Variants in IL23R observed in about 807,000 individuals in gnomAD.
IL23R encodes interleukin-23 receptor.
Under a neutral mutation model 56.9 loss-of-function variants are expected in IL23R, and 34 were observed. The ratio of observed to expected loss-of-function variants is 0.60; its 90% CI spans 0.45 to 0.80. The LOEUF is 0.80. Ranked by LOEUF, IL23R falls within the 30% of genes least tolerant of loss-of-function variation. The pLI, the probability that IL23R is intolerant of heterozygous loss-of-function variation, is 0.00. For missense variants in IL23R, 635 were observed against 730.0 expected (o/e 0.87, Z 1.50); for synonymous variants, 230 against 249.2 (o/e 0.92, Z 0.73).
At chr1:67,196,995 A>G (rs1218468718) in intron 4 of IL23R, among the ~76,000 whole-genome samples, 4 of 152,246 alleles carry the variant, frequency 2.6e-5, no homozygotes, top group Non-Finnish European at 1.5e-5. Context: ...CAGTGAGGGC[A>G]CAGGTATGCG....
chr1:67,239,637 T>C (rs1242409921), intron 8 of IL23R, among the ~76,000 whole-genome samples: 1 of 152,200 alleles, frequency 6.6e-6, no homozygotes, highest in Non-Finnish European at 1.5e-5. Flanking sequence ...TTTATTTTTA[T>C]CTTAACTTGC....
chr1:67,246,686 A>G (rs908814409), intron 9 of IL23R, among the ~76,000 whole-genome samples: 3 of 152,150 alleles, frequency 2.0e-5, no homozygotes, highest in Non-Finnish European at 2.9e-5. Flanking sequence ...ACAGTTTGTT[A>G]TGATTTCCAT....
chr1:67,172,752 G>A (rs1243555805), intron 3 of IL23R, among the ~76,000 whole-genome samples: 1 of 152,138 alleles, frequency 6.6e-6, no homozygotes, highest in Non-Finnish European at 1.5e-5. Context: ...TTCTAACATT[G>A]CTATTAAGTA....
intron 3 of IL23R, among the ~76,000 whole-genome samples, chr1:67,176,422 G>A (rs945594571): frequency 2.0e-5 from 3 of 151,818 alleles, no homozygotes; most frequent in East Asian, 3.9e-4. Flanking sequence ...GTTTCTCAAC[G>A]GACTATAGAG....
At chr1:67,216,095 C>T (rs1649814219) in intron 6 of IL23R, among the ~76,000 whole-genome samples, 1 of 152,092 alleles carries the variant, frequency 6.6e-6, no homozygotes, top group Admixed American at 6.5e-5. Context: ...TCTCCTAGGC[C>T]CCTCAAATTC....
intron 3 of IL23R, among the ~76,000 whole-genome samples, chr1:67,171,737 A>G (rs185460280): frequency 2.2e-4 from 34 of 152,228 alleles, no homozygotes; most frequent in African/African-American, 7.9e-4. Flanking sequence ...GAGTGACTTC[A>G]TTTTGGTTTG....
chr1:67,143,200 A>C (rs968060823), intron 1 of IL23R, among the ~76,000 whole-genome samples: 2 of 152,220 alleles, frequency 1.3e-5, no homozygotes, highest in Admixed American at 1.3e-4. Context: ...CTAAGAAAAA[A>C]ATCTTTAGAC....
intron 8 of IL23R, among the ~76,000 whole-genome samples, chr1:67,238,207 G>T (rs1289509963): frequency 6.6e-6 from 1 of 151,996 alleles, no homozygotes; most frequent in Non-Finnish European, 1.5e-5. Flanking sequence ...AATTAGATGG[G>T]TGTGGTGTCA....
intron 10 of IL23R, among the ~76,000 whole-genome samples, chr1:67,257,378 T>A (rs1178381011): frequency 6.6e-6 from 1 of 152,106 alleles, no homozygotes; most frequent in Non-Finnish European, 1.5e-5. Context: ...GAAGAGATCA[T>A]CTCTTTCCTG....
At chr1:67,148,702 C>T (rs114464694) in intron 1 of IL23R, among the ~76,000 whole-genome samples, 1,561 of 152,312 alleles carry the variant, frequency 0.01, 34 homozygotes, top group African/African-American at 0.036. Flanking sequence ...TTCCTGCTTC[C>T]CTGTCCCCCA....
chr1:67,169,159 A>C (rs1646910685), intron 2 of IL23R, among the ~76,000 whole-genome samples, 183 bp from the exon 3 acceptor site: 2 of 146,332 alleles, frequency 1.4e-5, no homozygotes, highest in Admixed American at 1.4e-4. Context: ...AAAAAAAAAA[A>C]AGCCTAACAG....
Position 67,258,640 on chromosome 1 carries a change from C to T in IL23R, c.1402C>T (p.Leu468=). 1 of 1,613,956 alleles carries T rather than the reference C, an allele frequency of 6.2e-7. No individual in the cohort carries two copies. The highest frequency in any genetic ancestry group is 8.5e-7 in the Non-Finnish European group (1 of 1,179,956). Residue 468 remains leucine, a synonymous_variant, in exon 11 of 11, where the codon CTA becomes TTA. Coordinates refer to ENST00000347310, the MANE Select transcript of IL23R (RefSeq NM_144701.3). ...LETRDYPQNS[L]FDNTTVVYIP... is the part of the protein sequence containing the mutation. ...GACAAGAGACTACCCGCAAAACTCG[C>T]TATTCGACAATACTACAGTTGTATA...
At chr1:67,171,735 T>G (rs1646946884) in intron 3 of IL23R, among the ~76,000 whole-genome samples, 1 of 152,190 alleles carries the variant, frequency 6.6e-6, no homozygotes, top group Non-Finnish European at 1.5e-5. Context: ...AGGAGTGACT[T>G]CATTTTGGTT....
chr1:67,175,782 C>G (rs1558226839), intron 3 of IL23R, among the ~76,000 whole-genome samples: 1 of 152,118 alleles, frequency 6.6e-6, no homozygotes, highest in East Asian at 1.9e-4. Flanking sequence ...TAGAAGAAAA[C>G]TACAAAGAAC....
chr1:67,210,569 C>T (rs1649393007), intron 6 of IL23R, among the ~76,000 whole-genome samples: 1 of 151,888 alleles, frequency 6.6e-6, no homozygotes, highest in Non-Finnish European at 1.5e-5. Flanking sequence ...CTCAAGTGAT[C>T]CTCCTGCCTT....
At chr1:67,141,905 G>A (rs1646641634) in intron 1 of IL23R, among the ~76,000 whole-genome samples, 2 of 152,136 alleles carry the variant, frequency 1.3e-5, no homozygotes, top group Admixed American at 6.5e-5. Flanking sequence ...GGAGATTTGT[G>A]CAGGGGGAAG....
intron 1 of IL23R, among the ~76,000 whole-genome samples, chr1:67,150,627 T>C (rs1369669028): frequency 2.1e-5 from 3 of 143,086 alleles, no homozygotes; most frequent in Non-Finnish European, 3.0e-5. Context: ...CTGCACGTTC[T>C]GCACATGTAT....
intron 7 of IL23R, chr1:67,231,799 C>T (rs1195476793): frequency 1.3e-5 from 2 of 152,156 alleles, no homozygotes; most frequent in Admixed American, 1.3e-4. Context: ...GCAGGCAGAT[C>T]ACCTGAGGTC....
chr1:67,240,317 A>C (rs1297868047), intron 9 of IL23R, 36 bp downstream of exon 9: 1 of 1,375,284 alleles, frequency 7.3e-7, no homozygotes, highest in East Asian at 2.3e-5. Flanking sequence ...TCTGATTTAG[A>C]CTACATGTAT....
Sources: allele counts gnomAD v4.1 joint callset (sites outside exome capture counted in the v4.1 genomes callset), GRCh38; gene constraint gnomAD v4.1.1; transcripts MANE v1.5; gene names NCBI Gene and HGNC (gene_info 2026-07-23, HGNC 2026-07-21).